The following AMZ1 variants were observed in gnomAD, a reference collection of about 807,000 sequenced individuals.
AMZ1 encodes archaelysin family metallopeptidase 1.
AMZ1 carries 39 observed loss-of-function variants against 29.9 expected under a neutral mutation model. That is an observed-to-expected ratio of 1.30 (90% CI 1.01 to 1.70). AMZ1 has a LOEUF of 1.70. Ranked by LOEUF, AMZ1 falls within the 40% of genes most tolerant of loss-of-function variation. AMZ1 has a pLI of 0.00. For missense variants in AMZ1, 1,041 were observed against 680.6 expected, an observed-to-expected ratio of 1.53 and a Z score of -5.89; for synonymous variants, 458 against 304.0, an observed-to-expected ratio of 1.51 and a Z score of -5.27.
At chr7:2,683,320 C>G, upstream of AMZ1, among the ~76,000 whole-genome samples, 1 of 152,210 alleles carries the variant, frequency 6.6e-6, no homozygotes, top group South Asian at 2.1e-4. Flanking sequence ...CTTCCTGCCT[C>G]TTCCTGCTTC....
chr7:2,719,196 G>T lies in AMZ1; in HGVS notation c.*6318G>T, dbSNP rs1206624475. 1.3e-5 allele frequency among the ~76,000 whole-genome samples: 2 copies of T among 152,284 alleles called. No homozygotes were observed. Among genetic ancestry groups the T allele is most frequent in the African/African-American group, 4.8e-5 (2 of 41,548 alleles). On this transcript the variant is annotated 3_prime_UTR_variant, in exon 7 of 7. Transcript: ENST00000683327. ...GCCAACCCAACTCCTCCGACAGAAC[G>T]GCAGGTGGCCCCTGTCGGAAGGGGG...
rs1789906652 is a variant in AMZ1, at chr7:2,731,710, T to C, written n.550+21894T>C. On this transcript the variant is annotated intron_variant and non_coding_transcript_variant, in intron 4 of 4. Coordinates refer to the AMZ1 transcript ENST00000489665. This position sits in a 1 kb window ranked among gnomAD's most constrained non-coding sequence, Gnocchi z 6.0. ...ATGCTCCACAATTCCCTTGGTGGCT[T>C]TCCTAGCCAGCAGGATATCTTGCTT... The C allele has an allele frequency of 6.3e-7, 1 of 1,579,578 alleles. No individual in the cohort carries two copies. The highest frequency in any genetic ancestry group is 1.4e-5 in the African/African-American group (1 of 73,992).
intron 1 of AMZ1, among the ~76,000 whole-genome samples, chr7:2,691,614 G>A (rs775068962): frequency 2.7e-5 from 4 of 146,578 alleles, no homozygotes; most frequent in Non-Finnish European, 2.9e-5. Flanking sequence ...GGTCGTGAGC[G>A]CCTGCAGTCC....
intron 2 of AMZ1, 72 bp from the exon 3 acceptor site, chr7:2,702,650 G>A (rs1460070525): frequency 9.6e-6 from 14 of 1,458,576 alleles, no homozygotes; most frequent in South Asian, 8.1e-5. Flanking sequence ...CGGTGTCTGC[G>A]AGTGATTCCC....
chr7:2,749,157 C>A (rs1194198084), intron 4 of AMZ1, among the ~76,000 whole-genome samples: 1 of 151,612 alleles, frequency 6.6e-6, no homozygotes, highest in African/African-American at 2.4e-5. Context: ...CATCCCATTA[C>A]TGGGTATATA....
chr7:2,746,797 G>C (rs1790785875), intron 4 of AMZ1, among the ~76,000 whole-genome samples: 1 of 151,950 alleles, frequency 6.6e-6, no homozygotes, highest in Admixed American at 6.6e-5. Flanking sequence ...AGAAAAGAGA[G>C]AAGAATCAAA....
Position 2,717,819 on chromosome 7 carries a change from A to AG in AMZ1, c.*4944dup, listed in dbSNP as rs758479593. On this transcript the variant is annotated 3_prime_UTR_variant, in exon 7 of 7. Transcript: ENST00000683327. ...TATTTTTGAACTCAGCTTCTTGGGT[A>AG]GGGAGGCAAATGAAAACAGGCTGAT... Among the ~76,000 whole-genome samples the AG allele has an allele frequency of 3.9e-5, 6 of 152,330 alleles. No individual in the cohort carries two copies. Among genetic ancestry groups the AG allele is most frequent in the Non-Finnish European group, 7.4e-5 (5 of 68,022 alleles).
At position 2,716,073 on chromosome 7, in the gene AMZ1, G is replaced by A. The variant is rs902734865; in HGVS notation, c.*3195G>A. ...TAAGCCAAGTCAGCGGGGCCTCATG[G>A]AGCTAAAAATAGTTTCAGGTCATGA... On this transcript the variant is annotated 3_prime_UTR_variant, in exon 7 of 7. Coordinates refer to ENST00000683327, the MANE Select transcript of AMZ1 (RefSeq NM_001384743.1). 5.3e-5 allele frequency: 8 copies of A among 152,234 alleles called. No individual in the cohort carries two copies. The highest frequency in any genetic ancestry group is 4.1e-4 in the South Asian group (2 of 4,832). The allele number at this position is 152,234 out of a possible 1,614,324, so 9.4% of individuals were successfully genotyped here. A position where few individuals can be genotyped will look rare whatever the true frequency, so the allele number is the denominator to read the frequency against.
chr7:2,734,815 G>A (rs1228337967), intron 4 of AMZ1, among the ~76,000 whole-genome samples: 1 of 152,168 alleles, frequency 6.6e-6, no homozygotes, highest in East Asian at 1.9e-4. Flanking sequence ...GCAGGACGGG[G>A]CGAGCACGTG....
intron 3 of AMZ1, among the ~76,000 whole-genome samples, chr7:2,704,031 G>A (rs368433256): frequency 1.1e-4 from 16 of 152,340 alleles, no homozygotes; most frequent in African/African-American, 3.8e-4. Flanking sequence ...TGGGACTACA[G>A]GCGGCTGCCA....
chr7:2,734,542 A>G (rs1790062431), intron 4 of AMZ1, among the ~76,000 whole-genome samples: 1 of 152,190 alleles, frequency 6.6e-6, no homozygotes, highest in South Asian at 2.1e-4. Context: ...GGACTACGTG[A>G]TGGCGCTGAA....
At chr7:2,761,531 C>T (rs1051546506), upstream of AMZ1, among the ~76,000 whole-genome samples, 8 of 152,326 alleles carry the variant, frequency 5.3e-5, no homozygotes, top group Middle Eastern at 3.4e-3. Flanking sequence ...AGAGCTGGAA[C>T]GGACAGCATC....
chr7:2,727,364 G>C (rs1033917505), intron 4 of AMZ1, among the ~76,000 whole-genome samples: 1 of 152,164 alleles, frequency 6.6e-6, no homozygotes, highest in African/African-American at 2.4e-5. Context: ...ACAGGCATGA[G>C]CCACTGCGCC....
chr7:2,708,977 A>G (rs1202493958), intron 4 of AMZ1, 98 bp from the exon 5 acceptor site: 5 of 1,417,798 alleles, frequency 3.5e-6, no homozygotes, highest in Non-Finnish European at 4.7e-6. Context: ...TCTTTGGGCC[A>G]TGGCCAGCTT....
intron 1 of AMZ1, among the ~76,000 whole-genome samples, chr7:2,693,434 C>T (rs903119042): frequency 1.3e-5 from 2 of 152,152 alleles, no homozygotes; most frequent in Non-Finnish European, 2.9e-5. Flanking sequence ...GGCTGGAGTG[C>T]AGTGGTGCGA....
chr7:2,764,368 C>G (rs1400663494), upstream of AMZ1, among the ~76,000 whole-genome samples: 1 of 152,008 alleles, frequency 6.6e-6, no homozygotes, highest in African/African-American at 2.4e-5. Flanking sequence ...CAGGCGTGTG[C>G]TCCCGCATCC....
downstream of AMZ1, among the ~76,000 whole-genome samples, chr7:2,724,101 G>C (rs999895598): frequency 6.8e-5 from 10 of 148,138 alleles, no homozygotes; most frequent in Non-Finnish European, 1.2e-4. Flanking sequence ...GAGATGGGGA[G>C]TGGGGGGGCG....
upstream of AMZ1, among the ~76,000 whole-genome samples, chr7:2,763,799 C>G (rs948983496): frequency 2.0e-5 from 3 of 152,198 alleles, no homozygotes; most frequent in East Asian, 5.8e-4. Context: ...AGAAAGCTCC[C>G]TGGGCAGGCG....
chr7:2,751,013 C>T (rs1389667461), intron 4 of AMZ1, among the ~76,000 whole-genome samples: 1 of 152,158 alleles, frequency 6.6e-6, no homozygotes, highest in African/African-American at 2.4e-5. Context: ...TTTTGAACTT[C>T]AAGACAATGT....
Sources: allele counts gnomAD v4.1 joint callset (sites outside exome capture counted in the v4.1 genomes callset), GRCh38; gene constraint gnomAD v4.1.1; non-coding constraint Gnocchi (gnomAD v3.1); transcripts MANE v1.5; gene names NCBI Gene and HGNC (gene_info 2026-07-23, HGNC 2026-07-21).